MAST4: variants seen among roughly 807,000 people sequenced by gnomAD.
MAST4 encodes the protein microtubule-associated serine/threonine-protein kinase 4.
Under a neutral mutation model 162.7 loss-of-function variants are expected in MAST4, and 89 were observed. That is an observed-to-expected ratio of 0.55 (90% CI 0.46 to 0.65). MAST4 has a LOEUF of 0.65. Among genes scored for constraint, MAST4 ranks in the 30% least tolerant of loss-of-function variants. The pLI, the probability that MAST4 is intolerant of heterozygous loss-of-function variation, is 0.00. For missense variants in MAST4, 3,153 were observed against 3,374.0 expected, an observed-to-expected ratio of 0.93 and a Z score of 1.62; for synonymous variants, 1,479 against 1,361.1, an observed-to-expected ratio of 1.09 and a Z score of -1.91.
chr5:66,707,620 C>T (rs983653961), intron 1 of MAST4, among the ~76,000 whole-genome samples: 1 of 152,108 alleles, frequency 6.6e-6, no homozygotes, highest in Admixed American at 6.6e-5. Context: ...ATTTCCTCTT[C>T]TTATAAGAAC....
At chr5:66,785,565 A>T (rs995266572) in intron 2 of MAST4, among the ~76,000 whole-genome samples, 1 of 152,030 alleles carries the variant, frequency 6.6e-6, no homozygotes, top group African/African-American at 2.4e-5. Context: ...ATCCCATACG[A>T]TTGTTAGGAT....
chr5:66,819,712 G>C (rs975387097), intron 3 of MAST4, among the ~76,000 whole-genome samples: 4 of 151,386 alleles, frequency 2.6e-5, no homozygotes, highest in Admixed American at 1.3e-4. Context: ...TGTTTTTTTG[G>C]GGGGGAAGTT....
intron 1 of MAST4, among the ~76,000 whole-genome samples, chr5:66,611,054 A>G (rs1228773825): frequency 6.6e-6 from 1 of 152,202 alleles, no homozygotes; most frequent in Non-Finnish European, 1.5e-5. Flanking sequence ...ACCAAGTGCT[A>G]TTACTAGAAA....
At chr5:66,796,890 C>T (rs1395627888) in intron 3 of MAST4, among the ~76,000 whole-genome samples, 1 of 152,170 alleles carries the variant, frequency 6.6e-6, no homozygotes, top group South Asian at 2.1e-4. Context: ...GTGGTTAGTA[C>T]TTAGAAAATA....
intron 14 of MAST4, among the ~76,000 whole-genome samples, chr5:67,127,835 G>A (rs1181765348): frequency 6.6e-6 from 1 of 152,106 alleles, no homozygotes; most frequent in Admixed American, 6.5e-5. Context: ...TTAAAAGTTG[G>A]TCAAAGTAGG....
chr5:66,848,539 AT>A (rs1422404836), intron 3 of MAST4, among the ~76,000 whole-genome samples: 2 of 152,162 alleles, frequency 1.3e-5, no homozygotes, highest in Admixed American at 1.3e-4. Flanking sequence ...AACCTAAATG[AT>A]TTGACAGTGA....
chr5:66,988,006 A>AC (rs1203690716), intron 4 of MAST4, among the ~76,000 whole-genome samples: 12 of 152,124 alleles, frequency 7.9e-5, no homozygotes, highest in Non-Finnish European at 1.5e-5. Context: ...TTTAAAAAAA[A>AC]CTCAATGTTT....
At chr5:66,917,703 C>T (rs895999760) in intron 4 of MAST4, among the ~76,000 whole-genome samples, 7 of 151,356 alleles carry the variant, frequency 4.6e-5, no homozygotes, top group African/African-American at 1.7e-4. Flanking sequence ...TATAAAGATG[C>T]CATATATATT....
At chr5:66,691,057 T>C (rs7380830) in intron 1 of MAST4, among the ~76,000 whole-genome samples, 71,504 of 151,982 alleles carry the variant, frequency 0.47, 17,912 homozygotes, top group African/African-American at 0.6. Context: ...CCTAATAACT[T>C]TCTTAGAGTG....
At chr5:66,626,405 G>A (rs1341308522) in intron 1 of MAST4, among the ~76,000 whole-genome samples, 1 of 152,104 alleles carries the variant, frequency 6.6e-6, no homozygotes, top group Non-Finnish European at 1.5e-5. Context: ...AAAAATCATG[G>A]GTTCCATGCA....
chr5:66,799,305 C>A (rs1755803291), intron 3 of MAST4, among the ~76,000 whole-genome samples: 1 of 152,160 alleles, frequency 6.6e-6, no homozygotes, highest in South Asian at 2.1e-4. Context: ...CACCCTCACC[C>A]CAATCCAGGT....
chr5:66,598,789 G>A (rs1237891416), intron 1 of MAST4, among the ~76,000 whole-genome samples: 1 of 152,194 alleles, frequency 6.6e-6, no homozygotes, highest in African/African-American at 2.4e-5. Context: ...TAAGTGACAT[G>A]GTCTTGCAGG....
chr5:67,106,351 T>C (rs1468731811), intron 10 of MAST4, among the ~76,000 whole-genome samples: 1 of 152,186 alleles, frequency 6.6e-6, no homozygotes, highest in East Asian at 1.9e-4. Flanking sequence ...TCCCAACCTA[T>C]ATAAAACTAG....
chr5:67,040,394 G>T (rs1400613255), intron 4 of MAST4, among the ~76,000 whole-genome samples: 2 of 152,204 alleles, frequency 1.3e-5, no homozygotes, highest in Non-Finnish European at 2.9e-5. Context: ...TAATTCATAT[G>T]TTGGATCATC....
chr5:66,942,993 A>T (rs1251976932), intron 4 of MAST4, among the ~76,000 whole-genome samples: 1 of 152,034 alleles, frequency 6.6e-6, no homozygotes, highest in Non-Finnish European at 1.5e-5. Context: ...GGCTGTAGGT[A>T]GAAAGGGGTG....
chr5:67,033,661 T>A (rs987169822), intron 4 of MAST4, among the ~76,000 whole-genome samples: 3 of 152,152 alleles, frequency 2.0e-5, no homozygotes. Context: ...TTTCGTTATA[T>A]GATAAGCTGA....
chr5:66,696,144 T>C (rs1393395761), intron 1 of MAST4, among the ~76,000 whole-genome samples: 38 of 151,904 alleles, frequency 2.5e-4, no homozygotes, highest in Admixed American at 2.5e-3. Context: ...AAGTGGGAGC[T>C]GAACAATGAG....
At chr5:66,778,362 T>C (rs1754698868) in intron 2 of MAST4, among the ~76,000 whole-genome samples, 1 of 152,162 alleles carries the variant, frequency 6.6e-6, no homozygotes, top group Non-Finnish European at 1.5e-5. Flanking sequence ...TGGCCAGGGC[T>C]GGGCCTCATT....
intron 1 of MAST4, among the ~76,000 whole-genome samples, chr5:66,631,530 CAG>C (rs1370232577): frequency 2.0e-5 from 3 of 152,064 alleles, no homozygotes; most frequent in East Asian, 1.9e-4. Context: ...TGTGGGAAAA[CAG>C]AGTTGGGAGA....
Sources: gnomAD v4.1 joint callset for allele counts (sites outside exome capture counted in the v4.1 genomes callset) on GRCh38, gnomAD v4.1.1 for gene constraint, MANE v1.5 for transcripts, NCBI Gene and HGNC (gene_info 2026-07-23, HGNC 2026-07-21) for gene names.